The following NOSTRIN variants were observed in gnomAD, a reference collection of about 807,000 sequenced individuals.
NOSTRIN encodes the protein BM247 homolog.
Under a neutral mutation model 59.0 loss-of-function variants are expected in NOSTRIN, and 63 were observed. The ratio of observed to expected loss-of-function variants is 1.07; its 90% CI spans 0.87 to 1.32. The LOEUF is 1.32. NOSTRIN is among the 40% of genes most tolerant of loss of function. The pLI, the probability that NOSTRIN is intolerant of heterozygous loss-of-function variation, is 0.00. For synonymous variants in NOSTRIN, 200 were observed against 165.4 expected, an observed-to-expected ratio of 1.21 and a Z score of -1.61; for missense variants, 512 against 473.1, an observed-to-expected ratio of 1.08 and a Z score of -0.76.
At chr2:168,812,114 C>T (rs1226779743) in intron 2 of NOSTRIN, 1 of 152,732 alleles carries the variant, frequency 6.5e-6, no homozygotes, top group Non-Finnish European at 1.5e-5. Flanking sequence ...CCATTTTCAG[C>T]ATCGTCTTCT....
intron 5 of NOSTRIN, among the ~76,000 whole-genome samples, chr2:168,829,013 T>G (rs1398258584): frequency 2.0e-5 from 3 of 152,054 alleles, no homozygotes; most frequent in Non-Finnish European, 4.4e-5. Context: ...TTTTTATACT[T>G]TTTTGCATTT....
In NOSTRIN at chr2:168,863,576, A is replaced by C. The variant is rs151217103; in HGVS notation, c.1385-1258A>C. 7.0e-5 allele frequency: 69 copies of C among 985,236 alleles called. No homozygotes were observed. The East Asian group carries it at 7.1e-3, about 102-fold the overall frequency. 61.0% of individuals were successfully genotyped at this position (985,236 alleles called of 1,614,324 possible). Reference sequence around the variant, plus strand: ...TTTATTTGAATCATTGCTTTAAAAAATATTGTCTCCAAATTGATGTTGTAT... The same window carrying C: ...TTTATTTGAATCATTGCTTTAAAAACTATTGTCTCCAAATTGATGTTGTAT... On this transcript the variant is annotated intron_variant, in intron 15 of 15. Coordinates refer to ENST00000317647, the MANE Select transcript of NOSTRIN (RefSeq NM_001039724.4).
chr2:168,864,732 C>A, intron 15 of NOSTRIN, 102 bp from the exon 16 acceptor site: 2 of 1,355,200 alleles, frequency 1.5e-6, no homozygotes, highest in Non-Finnish European at 1.0e-6. Flanking sequence ...ATGACACTAC[C>A]AAGTAAATCC....
At chr2:168,851,923 C>T (rs952988026) in intron 10 of NOSTRIN, among the ~76,000 whole-genome samples, 1 of 152,124 alleles carries the variant, frequency 6.6e-6, no homozygotes, top group Non-Finnish European at 1.5e-5. Context: ...GGCTCTTCCT[C>T]CAGAAGACTC....
At chr2:168,802,802 G>A in intron 1 of NOSTRIN, 129 bp downstream of exon 1, 2 of 751,044 alleles carry the variant, frequency 2.7e-6, no homozygotes, top group South Asian at 1.5e-5. Context: ...ATTGGCTGTG[G>A]TGCAAAAGTT....
intron 8 of NOSTRIN, among the ~76,000 whole-genome samples, chr2:168,845,991 T>G (rs775069989): frequency 2.6e-5 from 4 of 152,142 alleles, no homozygotes; most frequent in Non-Finnish European, 5.9e-5. Flanking sequence ...AGTTCTCTCC[T>G]GCCTCCTGAG....
intron 7 of NOSTRIN, among the ~76,000 whole-genome samples, chr2:168,837,164 C>T (rs28599777): frequency 3.3e-5 from 5 of 152,088 alleles, no homozygotes; most frequent in Admixed American, 3.3e-4. Flanking sequence ...TAGTCTATTG[C>T]ATCTTCCTCC....
intron 12 of NOSTRIN, 31 bp downstream of exon 12, chr2:168,856,809 G>T (rs566369798): frequency 1.9e-6 from 3 of 1,594,134 alleles, no homozygotes; most frequent in Non-Finnish European, 2.6e-6. Context: ...TTTCCTAGAT[G>T]TAGTGATGAA....
intron 2 of NOSTRIN, chr2:168,818,222 T>C (rs1182258941): frequency 4.6e-6 from 2 of 434,176 alleles, no homozygotes; most frequent in Non-Finnish European, 4.7e-6. Flanking sequence ...GGTGCAATTA[T>C]AGCTTGCTGC....
chr2:168,863,580 T>C, intron 15 of NOSTRIN: 2 of 985,176 alleles, frequency 2.0e-6, no homozygotes, highest in Non-Finnish European at 2.4e-6. Flanking sequence ...TAAAAAATAT[T>C]GTCTCCAAAT....
At chr2:168,792,604 C>A (rs1685386112) in intron 2 of NOSTRIN, among the ~76,000 whole-genome samples, 1 of 152,010 alleles carries the variant, frequency 6.6e-6, no homozygotes. Context: ...TGCTTAACAC[C>A]ACACTCAGCT....
chr2:168,836,381 C>G (rs143291825), intron 7 of NOSTRIN, among the ~76,000 whole-genome samples: 14 of 152,334 alleles, frequency 9.2e-5, no homozygotes, highest in Admixed American at 3.3e-4. Context: ...CCACAGTGCT[C>G]TCTCCTCTCC....
intron 10 of NOSTRIN, among the ~76,000 whole-genome samples, chr2:168,853,616 T>C (rs532138654): frequency 4.6e-5 from 7 of 152,324 alleles, no homozygotes; most frequent in African/African-American, 1.7e-4. Flanking sequence ...TGGACTGGTA[T>C]GGGAGCTATG....
intron 8 of NOSTRIN, among the ~76,000 whole-genome samples, chr2:168,844,967 C>G (rs1392119641): frequency 6.6e-6 from 1 of 152,040 alleles, no homozygotes; most frequent in East Asian, 1.9e-4. Context: ...AGGCGGAAAC[C>G]CAACGGCTGC....
At chr2:168,818,232 C>T in intron 2 of NOSTRIN, 1 of 434,852 alleles carries the variant, frequency 2.3e-6, no homozygotes, top group Non-Finnish European at 4.7e-6. Flanking sequence ...TAGCTTGCTG[C>T]AGCCTCAGAC....
intron 2 of NOSTRIN, among the ~76,000 whole-genome samples, chr2:168,789,304 A>G (rs554831195): frequency 2.5e-4 from 38 of 152,348 alleles, no homozygotes; most frequent in African/African-American, 8.9e-4. Context: ...GGTAATGTAT[A>G]AAGGAAAGAG....
chr2:168,862,553 TG>T (rs2105799769), intron 15 of NOSTRIN, among the ~76,000 whole-genome samples: 1 of 151,150 alleles, frequency 6.6e-6, no homozygotes, highest in South Asian at 2.1e-4. Flanking sequence ...TGTAAGTAAG[TG>T]CAAATTCTAG....
upstream of NOSTRIN, among the ~76,000 whole-genome samples, chr2:168,796,636 A>G (rs1449946190): frequency 6.6e-6 from 1 of 152,106 alleles, no homozygotes; most frequent in African/African-American, 2.4e-5. Context: ...TCCTTACCTC[A>G]TCTGTTTATA....
intron 2 of NOSTRIN, among the ~76,000 whole-genome samples, chr2:168,791,884 C>A (rs975742462): frequency 5.9e-5 from 9 of 152,188 alleles, no homozygotes; most frequent in Admixed American, 2.6e-4. Flanking sequence ...TGGATATTAG[C>A]CCTTCGTCAG....
Sources: allele counts gnomAD v4.1 joint callset (sites outside exome capture counted in the v4.1 genomes callset), GRCh38; gene constraint gnomAD v4.1.1; transcripts MANE v1.5; gene names NCBI Gene and HGNC (gene_info 2026-07-23, HGNC 2026-07-21).